The following PTPRQ variants were observed in gnomAD, a reference collection of about 807,000 sequenced individuals.
The protein encoded by PTPRQ is protein tyrosine phosphatase receptor type Q, also known as phosphatidylinositol phosphatase PTPRQ.
A neutral mutation model predicts 246.0 loss-of-function variants in PTPRQ; 199 were observed. The observed-to-expected ratio is 0.81, with a 90% CI of 0.72 to 0.91. The LOEUF (loss-of-function observed/expected upper bound fraction) is 0.91. PTPRQ is among the 40% of genes least tolerant of loss of function. PTPRQ has a pLI of 0.00. For missense variants in PTPRQ, 2,624 were observed against 2,528.4 expected, an observed-to-expected ratio of 1.04 and a Z score of -0.81; for synonymous variants, 869 against 853.2, an observed-to-expected ratio of 1.02 and a Z score of -0.32.
intron 9 of PTPRQ, among the ~76,000 whole-genome samples, chr12:80,492,452 T>C (rs1171533074): frequency 2.0e-5 from 3 of 152,042 alleles, no homozygotes; most frequent in African/African-American, 7.2e-5. Flanking sequence ...TGTAGTCTTA[T>C]TTCCAAAGTC....
chr12:80,449,147 G>A (rs1892655850), intron 3 of PTPRQ, among the ~76,000 whole-genome samples: 1 of 151,166 alleles, frequency 6.6e-6, no homozygotes, highest in African/African-American at 2.4e-5. Flanking sequence ...ATTTTTTCAT[G>A]TGTTTTTTGG....
At chr12:80,620,993 T>C (rs1433870902) in intron 32 of PTPRQ, among the ~76,000 whole-genome samples, 1 of 151,932 alleles carries the variant, frequency 6.6e-6, no homozygotes, top group African/African-American at 2.4e-5. Context: ...ATTTTTGTAT[T>C]GTAAGACTAC....
intron 3 of PTPRQ, among the ~76,000 whole-genome samples, chr12:80,453,307 T>C (rs1892841785): frequency 6.6e-6 from 1 of 152,220 alleles, no homozygotes; most frequent in Non-Finnish European, 1.5e-5. Context: ...TGCCTTTGGT[T>C]TGAATTTCCT....
At chr12:80,675,638 T>G (rs1285437168) in intron 43 of PTPRQ, among the ~76,000 whole-genome samples, 2 of 152,200 alleles carry the variant, frequency 1.3e-5, no homozygotes, top group Non-Finnish European at 2.9e-5. Context: ...TCTGCAACTT[T>G]GTAGAATTAA....
intron 27 of PTPRQ, among the ~76,000 whole-genome samples, chr12:80,608,530 A>G (rs1592712350): frequency 7.6e-6 from 1 of 131,222 alleles, no homozygotes; most frequent in East Asian, 2.6e-4. Flanking sequence ...GTTTTAATGG[A>G]AGGCATTGGA....
chr12:80,603,817 G>A (rs1354777022), intron 26 of PTPRQ, among the ~76,000 whole-genome samples: 2 of 151,328 alleles, frequency 1.3e-5, no homozygotes, highest in African/African-American at 4.8e-5. Context: ...TTGCAACCCT[G>A]CCCCATCTGT....
intron 6 of PTPRQ, among the ~76,000 whole-genome samples, chr12:80,465,868 A>G (rs1177964279): frequency 6.6e-6 from 1 of 152,148 alleles, no homozygotes; most frequent in East Asian, 1.9e-4. Context: ...AAATAATAAG[A>G]GCTATCTATG....
At chr12:80,544,619 C>T (rs1896250478) in intron 23 of PTPRQ, among the ~76,000 whole-genome samples, 1 of 151,984 alleles carries the variant, frequency 6.6e-6, no homozygotes, top group African/African-American at 2.4e-5. Flanking sequence ...TATTTGCTTT[C>T]AAATTCCTTT....
chr12:80,640,025 CGTGT>C (rs149812346), intron 35 of PTPRQ, among the ~76,000 whole-genome samples: 5,857 of 142,932 alleles, frequency 0.041, 256 homozygotes, highest in African/African-American at 0.11. Context: ...TGAAGATACA[CGTGT>C]GTGTGTGTGT....
chr12:80,644,984 T>G (rs1900017503), intron 35 of PTPRQ, among the ~76,000 whole-genome samples: 2 of 152,066 alleles, frequency 1.3e-5, no homozygotes, highest in Admixed American at 1.3e-4. Context: ...AGATTTCAAC[T>G]CACAAATGAT....
chr12:80,577,705 T>C (rs879404741), intron 25 of PTPRQ, among the ~76,000 whole-genome samples: 6 of 152,180 alleles, frequency 3.9e-5, no homozygotes, highest in Admixed American at 2.0e-4. Flanking sequence ...TGGTTTATAT[T>C]TGGGGCCCCA....
intron 14 of PTPRQ, 47 bp from the exon 15 acceptor site, chr12:80,505,977 T>C: frequency 3.3e-6 from 5 of 1,510,472 alleles, no homozygotes; most frequent in Non-Finnish European, 4.4e-6. Context: ...CAGAATAGAT[T>C]TTTAGAATGG....
chr12:80,643,211 G>T (rs1461120719), intron 35 of PTPRQ, among the ~76,000 whole-genome samples: 1 of 152,122 alleles, frequency 6.6e-6, no homozygotes, highest in Admixed American at 6.5e-5. Flanking sequence ...GTCGAGGCGG[G>T]TAGATCCCCT....
intron 42 of PTPRQ, among the ~76,000 whole-genome samples, 200 bp downstream of exon 42, chr12:80,670,692 C>T (rs995197992): frequency 6.6e-6 from 1 of 151,952 alleles, no homozygotes; most frequent in African/African-American, 2.4e-5. Flanking sequence ...TGACTCGAGT[C>T]TTTTTCACAG....
At chr12:80,622,506 G>A (rs2121138931) in intron 33 of PTPRQ, among the ~76,000 whole-genome samples, 1 of 152,110 alleles carries the variant, frequency 6.6e-6, no homozygotes, top group South Asian at 2.1e-4. Flanking sequence ...GATTAGGAAT[G>A]CTGCTAAATT....
intron 3 of PTPRQ, among the ~76,000 whole-genome samples, chr12:80,454,122 A>G (rs1217671985): frequency 7.9e-6 from 1 of 126,062 alleles, no homozygotes; most frequent in Non-Finnish European, 1.6e-5. Context: ...TTGATCTCAG[A>G]CTGCTGTGCT....
chr12:80,567,345 C>G (rs1040315109), intron 25 of PTPRQ, among the ~76,000 whole-genome samples: 11 of 152,006 alleles, frequency 7.2e-5, no homozygotes, highest in African/African-American at 2.4e-4. Context: ...TTTTTTCATG[C>G]TTTTAATATT....
chr12:80,644,346 C>T (rs1288750338), intron 35 of PTPRQ, among the ~76,000 whole-genome samples: 1 of 152,100 alleles, frequency 6.6e-6, no homozygotes, highest in Non-Finnish European at 1.5e-5. Context: ...AGTCAGTTAT[C>T]TTATTGAAAT....
rs188677362 is a variant in PTPRQ, at chr12:80,670,811, G to A, written c.6602+319G>A. Among the ~76,000 whole-genome samples, 682 of 152,142 alleles carry A rather than the reference G, an allele frequency of 4.5e-3. 13 individuals are homozygous for A. In the South Asian group the frequency reaches 0.062, roughly 14 times the overall value. ...AAGTAGAGTTGTGGTTATTAGTGAG[G>A]AGGGAGATGAAAAATTATTATCTAA... On this transcript the variant is annotated intron_variant, in intron 42 of 44. Transcript: ENST00000644991.
Sources: allele counts gnomAD v4.1 joint callset (sites outside exome capture counted in the v4.1 genomes callset), GRCh38; gene constraint gnomAD v4.1.1; transcripts MANE v1.5; gene names NCBI Gene and HGNC (gene_info 2026-07-23, HGNC 2026-07-21).